PTPRD: variants seen among roughly 807,000 people sequenced by gnomAD.
The protein encoded by PTPRD is protein tyrosine phosphatase receptor type D.
Under a neutral mutation model 214.5 loss-of-function variants are expected in PTPRD, and 34 were observed. The ratio of observed to expected loss-of-function variants is 0.16; its 90% CI spans 0.12 to 0.21. The LOEUF (loss-of-function observed/expected upper bound fraction) is 0.21. PTPRD is among the 10% of genes least tolerant of loss of function. The pLI is 1.00. For synonymous variants in PTPRD, 1,128 were observed against 845.7 expected, an observed-to-expected ratio of 1.33 and a Z score of -5.79; for missense variants, 2,545 against 2,398.7, an observed-to-expected ratio of 1.06 and a Z score of -1.27.
chr9:10,166,910 C>T (rs919626957), intron 3 of PTPRD, among the ~76,000 whole-genome samples: 1 of 152,034 alleles, frequency 6.6e-6, no homozygotes, highest in African/African-American at 2.4e-5. Context: ...ATCAGCTATT[C>T]TCCATACCCT....
intron 9 of PTPRD, among the ~76,000 whole-genome samples, chr9:9,365,753 T>C (rs189271868): frequency 6.6e-6 from 1 of 151,646 alleles, no homozygotes; most frequent in Admixed American, 6.6e-5. Context: ...ACCTACAGCA[T>C]AACCCAGTCT....
chr9:9,928,376 T>G (rs1236643913), intron 5 of PTPRD, among the ~76,000 whole-genome samples: 1 of 152,166 alleles, frequency 6.6e-6, no homozygotes, highest in African/African-American at 2.4e-5. Flanking sequence ...CTTGAGTTTT[T>G]GTCCAGAACT....
At chr9:10,418,661 T>A (rs939708187) in intron 2 of PTPRD, among the ~76,000 whole-genome samples, 2 of 151,868 alleles carry the variant, frequency 1.3e-5, no homozygotes, top group African/African-American at 4.8e-5. Context: ...GGAACATTGT[T>A]TTGTTCCCTG....
At chr9:9,394,047 A>T (rs1302492812) in intron 9 of PTPRD, among the ~76,000 whole-genome samples, 1 of 152,128 alleles carries the variant, frequency 6.6e-6, no homozygotes, top group Non-Finnish European at 1.5e-5. Flanking sequence ...CCATACATAC[A>T]CACAAAACTT....
chr9:8,523,556 C>G, intron 18 of PTPRD, 32 bp from the exon 19 acceptor site: 1 of 1,611,136 alleles, frequency 6.2e-7, no homozygotes, highest in Non-Finnish European at 8.5e-7. Flanking sequence ...ATGCAGAACA[C>G]AATGAAATGA....
chr9:8,647,724 C>A (rs1033235332), intron 12 of PTPRD, among the ~76,000 whole-genome samples: 1 of 152,120 alleles, frequency 6.6e-6, no homozygotes, highest in Non-Finnish European at 1.5e-5. Flanking sequence ...TAAAATAATT[C>A]ATATATTCAT....
chr9:8,761,723 C>G (rs1043696927), intron 11 of PTPRD, among the ~76,000 whole-genome samples: 2 of 151,380 alleles, frequency 1.3e-5, no homozygotes, highest in Non-Finnish European at 2.9e-5. Context: ...TGGTCAAGGA[C>G]GAGAAATGAA....
At chr9:8,579,541 A>G (rs2154249558) in intron 14 of PTPRD, among the ~76,000 whole-genome samples, 1 of 152,348 alleles carries the variant, frequency 6.6e-6, no homozygotes, top group Non-Finnish European at 1.5e-5. Context: ...CCTGGGCAAT[A>G]AAAGTATAAA....
Position 9,869,232 on chromosome 9 carries a change from C to G in PTPRD, c.-368+69275G>C, listed in dbSNP as rs145822162. Among the ~76,000 whole-genome samples the G allele has an allele frequency of 8.7e-3, 1,329 of 152,238 alleles. 19 individuals carry two copies. The highest frequency in any genetic ancestry group is 0.03 in the African/African-American group (1,230 of 41,562). ...AATAGGCTGCAAATATTCATGTGAT[C>G]AAATGGCTGACAAAGGAAAGTCTTC... On this transcript the variant is annotated intron_variant, in intron 5 of 45. Coordinates refer to ENST00000381196, the MANE Select transcript of PTPRD (RefSeq NM_002839.4).
chr9:9,458,746 G>C (rs1305658498), intron 8 of PTPRD, among the ~76,000 whole-genome samples: 1 of 151,994 alleles, frequency 6.6e-6, no homozygotes, highest in Non-Finnish European at 1.5e-5. Flanking sequence ...TCCTAGACCT[G>C]CCTGGGCAGC....
At chr9:10,466,623 CAAAAAAAAAAAAAAAAAA>C (rs66705572) in intron 2 of PTPRD, among the ~76,000 whole-genome samples, 1 of 76,874 alleles carries the variant, frequency 1.3e-5, no homozygotes, top group Non-Finnish European at 2.3e-5. Context: ...AACTCCAACT[CAAAAAAAAAAAAAAAAAA>C]AAAAAAAAAA....
At chr9:8,960,489 G>A (rs150464974) in intron 11 of PTPRD, among the ~76,000 whole-genome samples, 68 of 152,132 alleles carry the variant, frequency 4.5e-4, no homozygotes, top group African/African-American at 1.6e-3. Context: ...TTCTGACATG[G>A]GTACCCAGAA....
At chr9:9,354,580 T>A (rs1456177562) in intron 9 of PTPRD, among the ~76,000 whole-genome samples, 1 of 151,744 alleles carries the variant, frequency 6.6e-6, no homozygotes. Context: ...TGAAACAAAG[T>A]TTCCTTCCCC....
At chr9:9,322,322 A>G (rs1464262504) in intron 9 of PTPRD, among the ~76,000 whole-genome samples, 3 of 152,164 alleles carry the variant, frequency 2.0e-5, no homozygotes, top group Non-Finnish European at 4.4e-5. Flanking sequence ...GATTATATAC[A>G]TGTTTTATGT....
intron 37 of PTPRD, among the ~76,000 whole-genome samples, chr9:8,388,151 A>G (rs1309580505): frequency 1.5e-5 from 2 of 131,086 alleles, no homozygotes; most frequent in East Asian, 4.3e-4. Flanking sequence ...TGGCTTTTTA[A>G]TATGTTTCTG....
intron 2 of PTPRD, among the ~76,000 whole-genome samples, chr9:10,360,902 G>T (rs150716215): frequency 6.6e-6 from 1 of 151,958 alleles, no homozygotes. Flanking sequence ...GGAGATCGAG[G>T]CCATCCTGGC....
At chr9:9,875,921 G>A (rs189527377) in intron 5 of PTPRD, among the ~76,000 whole-genome samples, 2 of 152,140 alleles carry the variant, frequency 1.3e-5, no homozygotes, top group African/African-American at 4.8e-5. Context: ...TCTAGTGAAT[G>A]GAAGCAGAAA....
chr9:8,556,461 T>C lies in PTPRD; in HGVS notation c.353-27682A>G, dbSNP rs191300755. On this transcript the variant is annotated intron_variant, in intron 14 of 45. Coordinates refer to ENST00000381196, the MANE Select transcript of PTPRD (RefSeq NM_002839.4). ...ATGCTTGGAAATGGCTGAAAGTATA[T>C]AGAGGATATTCAAGGCCACCAAAAT... Among the ~76,000 whole-genome samples, 193 of 152,216 alleles carry C rather than the reference T, an allele frequency of 1.3e-3. 1 individual carries two copies. The highest frequency in any genetic ancestry group is 4.0e-3 in the African/African-American group (164 of 41,498).
chr9:9,909,284 A>C (rs930217666), intron 5 of PTPRD, among the ~76,000 whole-genome samples: 3 of 151,314 alleles, frequency 2.0e-5, no homozygotes, highest in Non-Finnish European at 4.4e-5. Flanking sequence ...CATGCTGATG[A>C]ATGGGATTTT....
Sources: gnomAD v4.1 joint callset for allele counts (sites outside exome capture counted in the v4.1 genomes callset) on GRCh38, gnomAD v4.1.1 for gene constraint, MANE v1.5 for transcripts, NCBI Gene and HGNC (gene_info 2026-07-23, HGNC 2026-07-21) for gene names.